Variants in CD86 observed in about 807,000 individuals in gnomAD.
CD86 encodes the protein CD86 molecule, also known as T-lymphocyte activation antigen CD86.
In CD86, 11 loss-of-function variants were observed where a neutral mutation model predicts 32.1. That is an observed-to-expected ratio of 0.34 (90% CI 0.22 to 0.57). The LOEUF is 0.57. Ranked by LOEUF, CD86 falls within the 20% of genes least tolerant of loss-of-function variation. The probability of loss-of-function intolerance (pLI) is 0.86; values close to 1 mark genes in which losing one functional copy is unlikely to be tolerated. For synonymous variants in CD86, 137 were observed against 135.3 expected (o/e 1.01, Z -0.09); for missense variants, 359 against 398.4 (o/e 0.90, Z 0.84).
intron 2 of CD86, among the ~76,000 whole-genome samples, chr3:122,101,515 T>A (rs995578784): frequency 0.029 from 677 of 23,546 alleles, 2 homozygotes; most frequent in Non-Finnish European, 0.04. Context: ...AAAAAAAAAA[T>A]ATATATATAT....
intron 5 of CD86, among the ~76,000 whole-genome samples, chr3:122,115,609 G>T (rs374846011): frequency 1.3e-5 from 2 of 151,818 alleles, no homozygotes; most frequent in South Asian, 2.1e-4. Context: ...GCATGGTGGC[G>T]CATGCCTGTA....
At chr3:122,079,094 C>T (rs2072594546) in intron 1 of CD86, among the ~76,000 whole-genome samples, 1 of 152,190 alleles carries the variant, frequency 6.6e-6, no homozygotes, top group Non-Finnish European at 1.5e-5. Context: ...AAAAGCTGCA[C>T]TCTTGTTTTC....
At chr3:122,109,981 T>C (rs866518711) in intron 5 of CD86, among the ~76,000 whole-genome samples, 1 of 152,202 alleles carries the variant, frequency 6.6e-6, no homozygotes, top group South Asian at 2.1e-4. Context: ...GAAAAAATGA[T>C]TACACAAATA....
intron 1 of CD86, among the ~76,000 whole-genome samples, chr3:122,072,417 C>T (rs1162290457): frequency 3.3e-5 from 5 of 151,724 alleles, no homozygotes; most frequent in African/African-American, 9.7e-5. Flanking sequence ...TTAATGATTG[C>T]CATTCTAACT....
chr3:122,088,747 G>A (rs998201721), intron 1 of CD86, among the ~76,000 whole-genome samples: 3 of 152,302 alleles, frequency 2.0e-5, no homozygotes, highest in Non-Finnish European at 2.9e-5. Context: ...AAGTGATGTC[G>A]CTGCTATGGA....
At chr3:122,104,496 G>C (rs1422034339) in intron 3 of CD86, among the ~76,000 whole-genome samples, 1 of 151,350 alleles carries the variant, frequency 6.6e-6, no homozygotes, top group African/African-American at 2.4e-5. Flanking sequence ...ATTTTTTTTT[G>C]TTTTGATATA....
At chr3:122,099,750 TTAAA>T (rs2072967456) in intron 2 of CD86, among the ~76,000 whole-genome samples, 1 of 152,218 alleles carries the variant, frequency 6.6e-6, no homozygotes. Flanking sequence ...TTAATTAAAA[TTAAA>T]TAAGATTAAA....
rs374130165 is a variant in CD86 at position 122,099,454 on chromosome 3, A to T, written c.65-4058A>T. ...ACAAGGTTTGTGTTTGAAGTAATGG[A>T]GGTGAACCAGGTGAATAGCCTGGAG... On this transcript the variant is annotated intron_variant, in intron 2 of 6. Transcript: ENST00000330540. Among the ~76,000 whole-genome samples, 90 of 152,314 alleles carry T rather than the reference A, an allele frequency of 5.9e-4. 1 individual carries two copies. The South Asian group carries it at 0.017, about 29-fold the overall frequency.
At chr3:122,084,973 G>A (rs1211362773) in intron 1 of CD86, among the ~76,000 whole-genome samples, 1 of 152,138 alleles carries the variant, frequency 6.6e-6, no homozygotes, top group Non-Finnish European at 1.5e-5. Flanking sequence ...CTCTTTTGTA[G>A]CACTTGTCAT....
At chr3:122,066,844 G>A (rs1478382669) in intron 1 of CD86, among the ~76,000 whole-genome samples, 1 of 152,064 alleles carries the variant, frequency 6.6e-6, no homozygotes, top group Non-Finnish European at 1.5e-5. Flanking sequence ...TTTTTAACAC[G>A]ATGAGGAAAC....
At chr3:122,101,887 A>G (rs1389484648) in intron 2 of CD86, among the ~76,000 whole-genome samples, 1 of 152,070 alleles carries the variant, frequency 6.6e-6, no homozygotes, top group Non-Finnish European at 1.5e-5. Flanking sequence ...GTACGCATAT[A>G]GATTTTCCTT....
At chr3:122,100,542 A>G (rs1426662915) in intron 2 of CD86, among the ~76,000 whole-genome samples, 1 of 152,226 alleles carries the variant, frequency 6.6e-6, no homozygotes, top group African/African-American at 2.4e-5. Context: ...ATAGGAACAT[A>G]AAGAAGAGAT....
intron 1 of CD86, among the ~76,000 whole-genome samples, chr3:122,082,614 CACTT>C (rs1323199864): frequency 6.6e-6 from 1 of 152,206 alleles, no homozygotes; most frequent in Non-Finnish European, 1.5e-5. Flanking sequence ...ACCACACTAA[CACTT>C]ATGTGATTTT....
At chr3:122,065,495 A>G (rs533629424) in intron 1 of CD86, among the ~76,000 whole-genome samples, 16 of 152,350 alleles carry the variant, frequency 1.1e-4, no homozygotes, top group African/African-American at 3.8e-4. Flanking sequence ...GAGAATTAGA[A>G]TATCTAGTAA....
At chr3:122,086,021 C>A (rs897876670) in intron 1 of CD86, among the ~76,000 whole-genome samples, 9 of 152,170 alleles carry the variant, frequency 5.9e-5, no homozygotes, top group African/African-American at 2.2e-4. Context: ...GTATACCTCA[C>A]AAGAAGCCAA....
At position 122,114,438 on chromosome 3, in the gene CD86, A is replaced by G. The variant is rs571696645; in HGVS notation, c.848-3610A>G. ...AGAGATCGGATGACAGACAGCAGAA[A>G]ACTGTAGTCCCTGAGTGAAGGAAAG... is the stretch of plus-strand genomic sequence containing the variant. On this transcript the variant is annotated intron_variant, in intron 5 of 6. Coordinates refer to ENST00000330540, the MANE Select transcript of CD86 (RefSeq NM_175862.5). Among the ~76,000 whole-genome samples the G allele has an allele frequency of 2.1e-4, 32 of 152,224 alleles. No homozygotes were observed. The South Asian group carries it at 3.9e-3, about 19-fold the overall frequency.
At chr3:122,057,721 A>G (rs1424573437) in intron 1 of CD86, among the ~76,000 whole-genome samples, 1 of 152,200 alleles carries the variant, frequency 6.6e-6, no homozygotes, top group Non-Finnish European at 1.5e-5. Context: ...CTTTGCATTT[A>G]TCTTTCTTCA....
chr3:122,107,724 C>A (rs567689764), intron 4 of CD86, among the ~76,000 whole-genome samples: 1 of 152,336 alleles, frequency 6.6e-6, no homozygotes, highest in South Asian at 2.1e-4. Context: ...TTGCTCCATA[C>A]CCTGGCTTTG....
rs981657160 is a variant in CD86, at chr3:122,109,201, C to T, written c.704-64C>T. 12 of 1,529,622 alleles carry T rather than the reference C, an allele frequency of 7.8e-6. No homozygotes were observed. In the South Asian group the frequency reaches 1.2e-4, roughly 15 times the overall value. The allele number at this position is 1,529,622 out of a possible 1,614,324, so 94.8% of individuals were successfully genotyped here. ...GCTGGCAGGTAAATAAAGAGAAGAG[C>T]AGCTAGCAGAAACCTTTTGTAAATG... On this transcript the variant is annotated intron_variant, in intron 4 of 6. Coordinates refer to ENST00000330540, the MANE Select transcript of CD86 (RefSeq NM_175862.5).
Sources: allele counts gnomAD v4.1 joint callset (sites outside exome capture counted in the v4.1 genomes callset), GRCh38; gene constraint gnomAD v4.1.1; transcripts MANE v1.5; gene names NCBI Gene and HGNC (gene_info 2026-07-23, HGNC 2026-07-21).